The following ELMO1 variants were observed in gnomAD, a reference collection of about 807,000 sequenced individuals.
ELMO1 encodes engulfment and cell motility protein 1.
ELMO1 carries 26 observed loss-of-function variants against 98.9 expected under a neutral mutation model. The ratio of observed to expected loss-of-function variants is 0.26; its 90% CI spans 0.19 to 0.36. ELMO1 has a LOEUF of 0.36. Ranked by LOEUF, ELMO1 falls within the 10% of genes least tolerant of loss-of-function variation. ELMO1 has a pLI of 1.00. For missense variants in ELMO1, 627 were observed against 935.2 expected, an observed-to-expected ratio of 0.67 and a Z score of 4.30; for synonymous variants, 346 against 346.0, an observed-to-expected ratio of 1.00 and a Z score of 0.00.
At chr7:37,133,811 C>A (rs1367674630) in intron 13 of ELMO1, among the ~76,000 whole-genome samples, 1 of 152,202 alleles carries the variant, frequency 6.6e-6, no homozygotes, top group Non-Finnish European at 1.5e-5. Flanking sequence ...TGCCTGCTCT[C>A]AGGAAGTCTG....
At chr7:37,181,101 G>C (rs915813330) in intron 13 of ELMO1, among the ~76,000 whole-genome samples, 1 of 152,078 alleles carries the variant, frequency 6.6e-6, no homozygotes. Flanking sequence ...TTTTACCTCA[G>C]TAAGAATAAA....
At chr7:36,961,022 C>T (rs1788898467) in intron 16 of ELMO1, among the ~76,000 whole-genome samples, 2 of 152,284 alleles carry the variant, frequency 1.3e-5, no homozygotes, top group South Asian at 4.1e-4. Flanking sequence ...TCCTTAAAAC[C>T]ATCCCACGTG....
intron 15 of ELMO1, among the ~76,000 whole-genome samples, chr7:37,088,518 T>C (rs1364810077): frequency 4.6e-5 from 7 of 152,222 alleles, no homozygotes; most frequent in Admixed American, 3.9e-4. Context: ...TTAACTAACA[T>C]TTCCTCACCT....
At chr7:36,885,193 G>T (rs1804846281) in intron 18 of ELMO1, among the ~76,000 whole-genome samples, 3 of 152,152 alleles carry the variant, frequency 2.0e-5, no homozygotes, top group Admixed American at 2.0e-4. Flanking sequence ...ATTAAACACA[G>T]ATGGTCATGC....
chr7:36,884,420 T>C (rs181025604), intron 18 of ELMO1, among the ~76,000 whole-genome samples: 1 of 152,200 alleles, frequency 6.6e-6, no homozygotes, highest in Non-Finnish European at 1.5e-5. Context: ...GTGCTATAGA[T>C]GTATAATTTT....
At chr7:36,922,722 A>G (rs1785246472) in intron 16 of ELMO1, among the ~76,000 whole-genome samples, 1 of 152,182 alleles carries the variant, frequency 6.6e-6, no homozygotes, top group African/African-American at 2.4e-5. Flanking sequence ...AGGCAATAGT[A>G]AGTGTTCCCA....
intron 13 of ELMO1, among the ~76,000 whole-genome samples, chr7:37,192,978 T>G (rs1167700454): frequency 2.7e-5 from 1 of 37,240 alleles, no homozygotes; most frequent in East Asian, 2.5e-3. Context: ...GAGATATATA[T>G]ATATATATAT....
intron 14 of ELMO1, among the ~76,000 whole-genome samples, chr7:37,116,524 G>A (rs1785601427): frequency 6.6e-6 from 1 of 152,156 alleles, no homozygotes; most frequent in South Asian, 2.1e-4. Flanking sequence ...TCAGGAACAT[G>A]TGATCCTTCT....
At chr7:37,368,828 T>C (rs1047930745) in intron 1 of ELMO1, among the ~76,000 whole-genome samples, 2 of 152,280 alleles carry the variant, frequency 1.3e-5, no homozygotes, top group Middle Eastern at 3.4e-3. Context: ...CTCCCACATA[T>C]AGAAGGGTAT....
intron 4 of ELMO1, among the ~76,000 whole-genome samples, chr7:37,297,244 T>C (rs1202117056): frequency 1.3e-5 from 2 of 152,214 alleles, no homozygotes; most frequent in Admixed American, 1.3e-4. Flanking sequence ...TTCAAAACAA[T>C]ATTTTTAAAG....
intron 15 of ELMO1, among the ~76,000 whole-genome samples, chr7:37,055,677 G>T (rs926594366): frequency 6.6e-6 from 1 of 152,092 alleles, no homozygotes; most frequent in African/African-American, 2.4e-5. Flanking sequence ...AGGGTAAAAG[G>T]CTTCTAGGCA....
chr7:36,943,149 C>T (rs533307229), intron 16 of ELMO1, among the ~76,000 whole-genome samples: 2 of 152,186 alleles, frequency 1.3e-5, no homozygotes, highest in Admixed American at 6.5e-5. Flanking sequence ...CTGGGGACAA[C>T]GCTGGCCACT....
intron 1 of ELMO1, among the ~76,000 whole-genome samples, chr7:37,390,246 G>C (rs562311919): frequency 6.6e-6 from 1 of 152,328 alleles, no homozygotes; most frequent in East Asian, 1.9e-4. Flanking sequence ...TAACTGAGCA[G>C]GAACCCAAGA....
At chr7:37,448,391 A>G (rs556108999) in intron 1 of ELMO1, among the ~76,000 whole-genome samples, 139 of 140,178 alleles carry the variant, frequency 9.9e-4, no homozygotes, top group African/African-American at 3.6e-3. Flanking sequence ...CCGCACCTCC[A>G]GCGCCCCCTC....
chr7:37,322,777 G>T (rs1333610469), intron 2 of ELMO1, among the ~76,000 whole-genome samples: 1 of 152,038 alleles, frequency 6.6e-6, no homozygotes, highest in African/African-American at 2.4e-5. Context: ...TGCCAAGATA[G>T]TACCACTACA....
At chr7:36,868,348 CTTT>C (rs70977202) in intron 20 of ELMO1, among the ~76,000 whole-genome samples, 3 of 140,628 alleles carry the variant, frequency 2.1e-5, no homozygotes, top group South Asian at 2.3e-4. Context: ...TCTTCTTCTT[CTTT>C]TTTTTTTTTT....
intron 16 of ELMO1, among the ~76,000 whole-genome samples, chr7:36,912,324 C>A (rs4720228): frequency 0.49 from 73,874 of 151,870 alleles, 18,815 homozygotes; most frequent in African/African-American, 0.62. Flanking sequence ...TGATTACAAG[C>A]AAAGGTGCTG....
At chr7:37,063,834 T>C (rs917977836) in intron 15 of ELMO1, among the ~76,000 whole-genome samples, 3 of 152,038 alleles carry the variant, frequency 2.0e-5, no homozygotes, top group South Asian at 2.1e-4. Context: ...CCTCCTTAAG[T>C]AGTAAGTACC....
intron 1 of ELMO1, among the ~76,000 whole-genome samples, chr7:37,405,664 G>T (rs1803726210): frequency 6.6e-6 from 1 of 152,170 alleles, no homozygotes; most frequent in Non-Finnish European, 1.5e-5. Context: ...CTTGTTAATG[G>T]GAAGGAGGGA....
Sources: allele counts gnomAD v4.1 joint callset (sites outside exome capture counted in the v4.1 genomes callset), GRCh38; gene constraint gnomAD v4.1.1; transcripts MANE v1.5; gene names NCBI Gene and HGNC (gene_info 2026-07-23, HGNC 2026-07-21).